CDH13: variants seen among roughly 807,000 people sequenced by gnomAD.
CDH13 encodes cadherin-13.
A neutral mutation model predicts 63.8 loss-of-function variants in CDH13; 24 were observed. The observed-to-expected ratio is 0.38, with a 90% confidence interval of 0.27 to 0.53. CDH13 has a LOEUF of 0.53. Ranked by LOEUF, CDH13 falls within the 20% of genes least tolerant of loss-of-function variation. CDH13 has a pLI of 0.85. For synonymous variants in CDH13, 503 were observed against 355.3 expected, an observed-to-expected ratio of 1.42 and a Z score of -4.67; for missense variants, 1,049 against 903.1, an observed-to-expected ratio of 1.16 and a Z score of -2.07.
At position 82,627,085 on chromosome 16, in the gene CDH13, C is replaced by A. The variant is rs747478898; in HGVS notation, c.-8C>A. On this transcript the variant is annotated 5_prime_UTR_variant, in exon 1 of 14. Transcript: ENST00000567109. ...GAAAACGCCGCCGGGCGCTTCTAGT[C>A]GGACAAAATGCAGCCGAGAACTCCG... 4.4e-6 allele frequency: 7 copies of A among 1,599,362 alleles called. No individual in the cohort carries two copies. The South Asian group carries it at 6.8e-5, about 16-fold the overall frequency.
chr16:82,850,080 C>G (rs1041423117), intron 1 of CDH13, among the ~76,000 whole-genome samples: 1 of 152,190 alleles, frequency 6.6e-6, no homozygotes, highest in African/African-American at 2.4e-5. Flanking sequence ...TATTGACTTT[C>G]AAGTCTTACT....
rs187855099 is a variant in CDH13, at chr16:82,643,858, T to C, written c.45+16721T>C. On this transcript the variant is annotated intron_variant, in intron 1 of 13. Coordinates refer to ENST00000567109, the MANE Select transcript of CDH13 (RefSeq NM_001257.5). ...CCTGAGCTCAAGCAACCCTCTTGCC[T>C]CAGTTCTGGAAATAGCTAAGTGGGA... Among the ~76,000 whole-genome samples the C allele has an allele frequency of 8.6e-3, 1,299 of 151,848 alleles. 13 individuals are homozygous for C. Among genetic ancestry groups the C allele is most frequent in the Non-Finnish European group, 0.012 (840 of 67,976 alleles).
intron 1 of CDH13, among the ~76,000 whole-genome samples, chr16:82,736,776 G>T (rs901865271): frequency 6.6e-6 from 1 of 151,990 alleles, no homozygotes; most frequent in African/African-American, 2.4e-5. Context: ...TCACTCCTTC[G>T]GGCAATTTGA....
rs113659633 is a variant in CDH13, at chr16:82,922,000, G to A, written c.157+63527G>A. Among the ~76,000 whole-genome samples the A allele has an allele frequency of 5.9e-5, 9 of 152,184 alleles. 1 individual carries two copies. Among genetic ancestry groups the A allele is most frequent in the African/African-American group, 1.7e-4 (7 of 41,534 alleles). ...TTCTTGAACCAGTTTGGTAATTTGT[G>A]TCATTCTAGAAATGTTTTCTATTTC... On this transcript the variant is annotated intron_variant, in intron 2 of 13. Coordinates refer to ENST00000567109, the MANE Select transcript of CDH13 (RefSeq NM_001257.5).
chr16:83,692,642 T>C (rs577006293), intron 10 of CDH13, among the ~76,000 whole-genome samples: 8 of 152,356 alleles, frequency 5.3e-5, no homozygotes, highest in African/African-American at 1.9e-4. Context: ...ACTTTCGGAC[T>C]TGAAGGATGT....
chr16:83,332,498 T>G lies in CDH13; in HGVS notation c.637-12364T>G, dbSNP rs149897036. Among the ~76,000 whole-genome samples, 902 of 152,336 alleles carry G rather than the reference T, an allele frequency of 5.9e-3. 4 individuals carry two copies. The highest frequency in any genetic ancestry group is 0.019 in the South Asian group (92 of 4,834). On this transcript the variant is annotated intron_variant, in intron 5 of 13. Transcript: ENST00000567109. ...AAAAAAGGTATTGCATTTATTTCTA[T>G]TCCTCTGAATTTCACATTAGGAAAG...
At chr16:82,885,637 A>C (rs976788051) in intron 2 of CDH13, among the ~76,000 whole-genome samples, 1 of 151,986 alleles carries the variant, frequency 6.6e-6, no homozygotes, top group Non-Finnish European at 1.5e-5. Flanking sequence ...ATATTCTTTA[A>C]TCTATCCATC....
At chr16:83,265,509 C>G (rs1907500379) in intron 5 of CDH13, among the ~76,000 whole-genome samples, 4 of 152,096 alleles carry the variant, frequency 2.6e-5, no homozygotes, top group Admixed American at 6.6e-5. Context: ...TCGTACATTT[C>G]TTCAACTTTA....
intron 5 of CDH13, among the ~76,000 whole-genome samples, chr16:83,289,324 G>A (rs1597672989): frequency 6.6e-6 from 1 of 152,294 alleles, no homozygotes; most frequent in South Asian, 2.1e-4. Flanking sequence ...GGTATCTGGT[G>A]ACAGCTTCTT....
intron 10 of CDH13, among the ~76,000 whole-genome samples, chr16:83,696,944 C>T (rs1349600743): frequency 2.0e-5 from 3 of 152,196 alleles, no homozygotes; most frequent in Non-Finnish European, 4.4e-5. Flanking sequence ...CCAGGAAGCC[C>T]CTGGCTGGCC....
intron 8 of CDH13, among the ~76,000 whole-genome samples, chr16:83,619,498 A>T (rs532837164): frequency 6.6e-6 from 1 of 152,234 alleles, no homozygotes; most frequent in Non-Finnish European, 1.5e-5. Context: ...TGGAGGCAGA[A>T]GTCCAAGAGC....
At chr16:82,930,854 GA>G (rs2042467946) in intron 2 of CDH13, among the ~76,000 whole-genome samples, 1 of 152,158 alleles carries the variant, frequency 6.6e-6, no homozygotes, top group Non-Finnish European at 1.5e-5. Context: ...ACCTATCAGA[GA>G]GGACATAAAT....
At chr16:83,167,781 A>G (rs1298953002) in intron 4 of CDH13, among the ~76,000 whole-genome samples, 2 of 152,004 alleles carry the variant, frequency 1.3e-5, no homozygotes, top group Non-Finnish European at 2.9e-5. Flanking sequence ...CATAATAGCA[A>G]AGGCATAGAA....
chr16:82,792,518 A>G (rs2036363472), intron 1 of CDH13, among the ~76,000 whole-genome samples: 1 of 152,100 alleles, frequency 6.6e-6, no homozygotes, highest in Admixed American at 6.5e-5. Context: ...AGGACCATTT[A>G]TAAGTTCTCT....
chr16:82,797,976 C>T (rs1325473227), intron 1 of CDH13, among the ~76,000 whole-genome samples: 2 of 152,078 alleles, frequency 1.3e-5, no homozygotes, highest in Non-Finnish European at 2.9e-5. Context: ...CTCCTGTCAC[C>T]ACGATGGATC....
At chr16:83,543,186 A>T (rs1228212976) in intron 7 of CDH13, among the ~76,000 whole-genome samples, 1 of 152,370 alleles carries the variant, frequency 6.6e-6, no homozygotes, top group African/African-American at 2.4e-5. Context: ...CCTGCATAAA[A>T]GACTTCGATA....
intron 6 of CDH13, among the ~76,000 whole-genome samples, chr16:83,485,425 T>C (rs1229294669): frequency 1.3e-5 from 2 of 152,238 alleles, no homozygotes; most frequent in Non-Finnish European, 1.5e-5. Flanking sequence ...ATGCTTGTTA[T>C]AGAATCAGGT....
chr16:83,183,726 A>T (rs982171562), intron 4 of CDH13, among the ~76,000 whole-genome samples: 8 of 152,186 alleles, frequency 5.3e-5, no homozygotes, highest in African/African-American at 1.7e-4. Flanking sequence ...TTTATATGGA[A>T]GTCTTGGAAA....
chr16:83,726,822 G>A (rs1049268261), intron 10 of CDH13, among the ~76,000 whole-genome samples: 44 of 117,828 alleles, frequency 3.7e-4, no homozygotes, highest in Non-Finnish European at 7.2e-4. Context: ...TGGGGCGACA[G>A]AGCAAGACTC....
Sources: allele counts gnomAD v4.1 joint callset (sites outside exome capture counted in the v4.1 genomes callset), GRCh38; gene constraint gnomAD v4.1.1; transcripts MANE v1.5; gene names NCBI Gene and HGNC (gene_info 2026-07-23, HGNC 2026-07-21).